Variants in CLIP2 observed in about 807,000 individuals in gnomAD.
CLIP2 encodes the protein CAP-Gly domain containing linker protein 2.
CLIP2 carries 41 observed loss-of-function variants against 111.7 expected under a neutral mutation model. The observed-to-expected ratio is 0.37, with a 90% CI of 0.29 to 0.48. CLIP2 has a LOEUF of 0.48. CLIP2 is among the 20% of genes least tolerant of loss of function. The pLI, the probability that CLIP2 is intolerant of heterozygous loss-of-function variation, is 0.99. For missense variants in CLIP2, 1,160 were observed against 1,422.1 expected (o/e 0.82, Z 2.96); for synonymous variants, 660 against 644.2 (o/e 1.02, Z -0.37).
At chr7:74,383,080 CAAAAAAA>C (rs556644763) in intron 11 of CLIP2, among the ~76,000 whole-genome samples, 5 of 61,232 alleles carry the variant, frequency 8.2e-5, no homozygotes, top group Non-Finnish European at 1.4e-4. Context: ...ACCCTGTCAC[CAAAAAAA>C]AAAAAAAAAA....
At chr7:74,337,407 C>T (rs1209856362) in intron 2 of CLIP2, among the ~76,000 whole-genome samples, 4 of 151,872 alleles carry the variant, frequency 2.6e-5, no homozygotes, top group Non-Finnish European at 4.4e-5. Context: ...CGTCTGAGGG[C>T]GAGGATGGGG....
At chr7:74,401,632 T>G in intron 16 of CLIP2, 65 bp downstream of exon 16, 1 of 1,483,956 alleles carries the variant, frequency 6.7e-7, no homozygotes, top group Non-Finnish European at 9.3e-7. Context: ...AGAAAATCCT[T>G]GAAACGTCAC....
rs909772976 is a variant in CLIP2, at chr7:74,341,956, G to T, written c.678+2952G>T. On this transcript the variant is annotated intron_variant, in intron 3 of 16. Coordinates refer to ENST00000223398, the MANE Select transcript of CLIP2 (RefSeq NM_003388.5). ...TGGTGCTCTCAGAGCCTGGCCTGGT[G>T]GGGAGGCTGCCCCGAGGAATGGTTC... Among the ~76,000 whole-genome samples the T allele has an allele frequency of 2.0e-5, 3 of 152,292 alleles. No homozygotes were observed. The South Asian group carries it at 6.2e-4, about 32-fold the overall frequency.
chr7:74,387,451 A>C (rs1413684561), intron 12 of CLIP2, among the ~76,000 whole-genome samples: 1 of 152,058 alleles, frequency 6.6e-6, no homozygotes, highest in Non-Finnish European at 1.5e-5. Context: ...GGGTTTCGCC[A>C]TGTTGGCCAG....
intron 11 of CLIP2, among the ~76,000 whole-genome samples, chr7:74,382,530 TCTCAAA>T (rs1790976629): frequency 6.7e-6 from 1 of 149,404 alleles, no homozygotes; most frequent in Non-Finnish European, 1.5e-5. Flanking sequence ...GCCAGGCTGG[TCTCAAA>T]CTCCTGACCT....
Position 74,380,731 on chromosome 7 carries a change from G to A in CLIP2, c.2422-75G>A, listed in dbSNP as rs114317165. ...GGAGTAGGGTGTGCAAACTGCAGGT[G>A]TGCTTGCTGGGCTGGCTGGGGCTGG... On this transcript the variant is annotated intron_variant, in intron 10 of 16. Transcript: ENST00000223398. 2.0e-3 allele frequency: 2,586 copies of A among 1,294,174 alleles called. 38 individuals are homozygous for A. The African/African-American group carries it at 0.033, about 17-fold the overall frequency. 80.2% of individuals were successfully genotyped at this position (1,294,174 alleles called of 1,614,324 possible).
intron 1 of CLIP2, among the ~76,000 whole-genome samples, chr7:74,308,816 C>A (rs1788563405): frequency 6.6e-6 from 1 of 151,972 alleles, no homozygotes; most frequent in Admixed American, 6.6e-5. Context: ...AATGTGTATT[C>A]AAAGTGCTGA....
At chr7:74,349,259 C>T (rs529623280) in intron 3 of CLIP2, among the ~76,000 whole-genome samples, 299 of 151,246 alleles carry the variant, frequency 2.0e-3, no homozygotes, top group African/African-American at 6.7e-3. Context: ...GGAAAAACCC[C>T]GTCTCTACTA....
chr7:74,365,842 C>T (rs1193880233), intron 8 of CLIP2, among the ~76,000 whole-genome samples: 1 of 152,112 alleles, frequency 6.6e-6, no homozygotes, highest in Non-Finnish European at 1.5e-5. Flanking sequence ...GAAGCCTCCA[C>T]TTCCTGGGCT....
intron 2 of CLIP2, among the ~76,000 whole-genome samples, chr7:74,318,595 C>G (rs146960241): frequency 7.5e-4 from 114 of 152,130 alleles, no homozygotes; most frequent in Middle Eastern, 3.4e-3. Flanking sequence ...CGCCTATAGT[C>G]CCAGCTACTT....
chr7:74,310,036 C>CAAAAAAAAAAAAAAAAAA (rs71094774), intron 1 of CLIP2, among the ~76,000 whole-genome samples: 7 of 92,490 alleles, frequency 7.6e-5, no homozygotes, highest in African/African-American at 1.8e-4. Context: ...CCTGTCTCTA[C>CAAAAAAAAAAAAAAAAAA]AAAAAAAAAA....
chr7:74,355,583 C>G (rs988217882), intron 4 of CLIP2, among the ~76,000 whole-genome samples: 2 of 152,104 alleles, frequency 1.3e-5, no homozygotes, highest in African/African-American at 2.4e-5. Context: ...GCACTCCAGC[C>G]TGGGTAACAG....
chr7:74,291,048 G>A lies in CLIP2; in HGVS notation c.-68+1314G>A, dbSNP rs2116429563. Among the ~76,000 whole-genome samples, 3 of 152,312 alleles carry A rather than the reference G, an allele frequency of 2.0e-5. 1 individual carries two copies. The highest frequency in any genetic ancestry group is 6.8e-3 in the Middle Eastern group (2 of 294). ...GAGAAATAGCGTGAATAAGGGCTTG[G>A]AGTCAGAAAAGGAGGCTATTGGGTT... On this transcript the variant is annotated intron_variant, in intron 1 of 16. Transcript: ENST00000223398.
chr7:74,394,960 C>T (rs1791405631), intron 13 of CLIP2, among the ~76,000 whole-genome samples: 1 of 152,186 alleles, frequency 6.6e-6, no homozygotes, highest in South Asian at 2.1e-4. Context: ...TCTGCTGAGT[C>T]TCGATAGAAC....
intron 3 of CLIP2, among the ~76,000 whole-genome samples, chr7:74,345,962 A>T (rs1299293919): frequency 1.3e-5 from 2 of 152,132 alleles, no homozygotes; most frequent in Non-Finnish European, 2.9e-5. Context: ...GCACTAGAAC[A>T]ACACTGAAGA....
rs782495652 is a variant in CLIP2, at chr7:74,404,831, C to T, written c.*983C>T. 5.3e-5 allele frequency: 8 copies of T among 152,170 alleles called. No homozygotes were observed. Among genetic ancestry groups the T allele is most frequent in the Non-Finnish European group, 7.3e-5 (5 of 68,038 alleles). The allele number at this position is 152,170 out of a possible 1,614,324, so 9.4% of individuals were successfully genotyped here. On this transcript the variant is annotated 3_prime_UTR_variant, in exon 17 of 17. Transcript: ENST00000223398. ...GAGGGACCACGTGTGCACGCATGAC[C>T]GTGTGGGTGGCGGCGTTTGCTGTGA...
At chr7:74,394,816 C>T (rs1355621674) in intron 13 of CLIP2, among the ~76,000 whole-genome samples, 1 of 152,184 alleles carries the variant, frequency 6.6e-6, no homozygotes, top group East Asian at 1.9e-4. Flanking sequence ...ACCAGCCAGG[C>T]CCCTGGCCAG....
intron 2 of CLIP2, among the ~76,000 whole-genome samples, chr7:74,326,262 C>T (rs1026060147): frequency 7.9e-5 from 12 of 151,972 alleles, no homozygotes; most frequent in Non-Finnish European, 4.4e-5. Flanking sequence ...ATGAGACCAC[C>T]GAGGCTTGGA....
chr7:74,355,586 G>A (rs1416971946), intron 4 of CLIP2, among the ~76,000 whole-genome samples: 1 of 152,084 alleles, frequency 6.6e-6, no homozygotes, highest in Non-Finnish European at 1.5e-5. Flanking sequence ...CTCCAGCCTG[G>A]GTAACAGAGC....
Sources: allele counts gnomAD v4.1 joint callset (sites outside exome capture counted in the v4.1 genomes callset), GRCh38; gene constraint gnomAD v4.1.1; transcripts MANE v1.5; gene names NCBI Gene and HGNC (gene_info 2026-07-23, HGNC 2026-07-21).